Variants in PCDHA4 observed in about 807,000 individuals in gnomAD.
PCDHA4 encodes protocadherin alpha-4.
PCDHA4 carries 49 observed loss-of-function variants against 61.4 expected under a neutral mutation model. The ratio of observed to expected loss-of-function variants is 0.80; its 90% CI spans 0.63 to 1.01. The LOEUF is 1.01. Ranked by LOEUF, PCDHA4 falls within the 50% of genes least tolerant of loss-of-function variation. The probability of loss-of-function intolerance (pLI) is 0.00; values close to 1 mark genes in which losing one functional copy is unlikely to be tolerated. For synonymous variants in PCDHA4, 590 were observed against 550.3 expected (o/e 1.07, Z -1.01); for missense variants, 1,254 against 1,235.8 (o/e 1.01, Z -0.22).
chr5:141,001,164 A>T (rs2097995699), intron 3 of PCDHA4, among the ~76,000 whole-genome samples: 1 of 152,102 alleles, frequency 6.6e-6, no homozygotes, highest in East Asian at 1.9e-4. Context: ...AATAAGTAAA[A>T]TTTAACGAGT....
At chr5:140,822,804 T>C (rs558794478) in intron 1 of PCDHA4, 2 of 1,614,204 alleles carry the variant, frequency 1.2e-6, no homozygotes, top group Non-Finnish European at 1.7e-6. Flanking sequence ...TGGATGTGAA[T>C]GATAATACCC....
At chr5:140,843,511 C>A (rs2150361432) in intron 1 of PCDHA4, 3 of 1,595,670 alleles carry the variant, frequency 1.9e-6, no homozygotes, top group East Asian at 2.2e-5. Context: ...CCACTGAGGG[C>A]GGGTGCCGGG....
At chr5:140,962,667 C>T (rs576054969) in intron 1 of PCDHA4, among the ~76,000 whole-genome samples, 1 of 152,272 alleles carries the variant, frequency 6.6e-6, no homozygotes, top group East Asian at 1.9e-4. Flanking sequence ...TTCATCTTCC[C>T]ATCCACTGGA....
At chr5:140,947,896 G>A (rs1355775996) in intron 1 of PCDHA4, among the ~76,000 whole-genome samples, 5 of 151,478 alleles carry the variant, frequency 3.3e-5, no homozygotes, top group Non-Finnish European at 7.4e-5. Context: ...AACAGAAGTG[G>A]TGAGAGCAGA....
intron 1 of PCDHA4, chr5:140,850,132 G>T (rs2150469208): frequency 6.3e-7 from 1 of 1,595,756 alleles, no homozygotes; most frequent in Non-Finnish European, 8.6e-7. Flanking sequence ...CCGCCTCTGG[G>T]CAGCAACGTG....
rs146837800 is a variant in PCDHA4 at position 140,833,801 on chromosome 5, A to T, written c.2385+24229A>T. On this transcript the variant is annotated intron_variant, in intron 1 of 3. Coordinates refer to ENST00000530339, the MANE Select transcript of PCDHA4 (RefSeq NM_018907.4). ...AAGTTTCTCTTTCATCAATCAGTAGATTCTTGAGATCCTGGGTCCCTAAAA... is the reference window on the plus strand; with the variant it reads ...AAGTTTCTCTTTCATCAATCAGTAGTTTCTTGAGATCCTGGGTCCCTAAAA... Among the ~76,000 whole-genome samples, 141 of 152,240 alleles carry T rather than the reference A, an allele frequency of 9.3e-4. 1 individual carries two copies. The highest frequency in any genetic ancestry group is 3.3e-3 in the African/African-American group (136 of 41,550).
chr5:140,884,396 C>CT, intron 1 of PCDHA4: 1 of 1,614,012 alleles, frequency 6.2e-7, no homozygotes, highest in South Asian at 1.1e-5. Flanking sequence ...GGTGTCCAGC[C>CT]TGTTGGTGCT....
intron 3 of PCDHA4, among the ~76,000 whole-genome samples, chr5:141,005,561 G>T (rs1554260149): frequency 6.6e-6 from 1 of 151,354 alleles, no homozygotes. Flanking sequence ...AATTAGCCGG[G>T]CATGGTGGCG....
intron 1 of PCDHA4, among the ~76,000 whole-genome samples, chr5:140,891,762 G>C (rs554912268): frequency 1.5e-3 from 234 of 152,268 alleles, no homozygotes; most frequent in African/African-American, 4.9e-3. Context: ...GTTGGGAGGT[G>C]GGGAATTTCA....
intron 1 of PCDHA4, chr5:140,969,483 G>C (rs531496681): frequency 1.4e-6 from 2 of 1,462,372 alleles, no homozygotes; most frequent in African/African-American, 1.4e-5. Context: ...ATCATAATCT[G>C]CTATTTCCTC....
At chr5:140,833,265 A>T (rs1554133806) in intron 1 of PCDHA4, among the ~76,000 whole-genome samples, 1 of 152,214 alleles carries the variant, frequency 6.6e-6, no homozygotes, top group East Asian at 1.9e-4. Context: ...AGCAGCAATT[A>T]TAAAAACTTA....
chr5:140,838,474 T>C (rs1775747534), intron 1 of PCDHA4, among the ~76,000 whole-genome samples: 1 of 151,866 alleles, frequency 6.6e-6, no homozygotes, highest in Admixed American at 6.6e-5. Flanking sequence ...CGCTTATTCC[T>C]TGTTTTTGAT....
chr5:140,834,797 G>T lies in PCDHA4; in HGVS notation c.2385+25225G>T, dbSNP rs782512269. The T allele has an allele frequency of 3.1e-6, 5 of 1,612,908 alleles. No individual in the cohort carries two copies. The South Asian group carries it at 5.5e-5, about 18-fold the overall frequency. ...CTCCGGTGTTCCCAGCGACACAAAG[G>T]AATCTGTTCATCGCGGAATCCAGGC... On this transcript the variant is annotated intron_variant, in intron 1 of 3. Transcript: ENST00000530339.
chr5:140,869,183 G>A, intron 1 of PCDHA4: 1 of 1,613,958 alleles, frequency 6.2e-7, no homozygotes, highest in Non-Finnish European at 8.5e-7. Flanking sequence ...TGGGAGGTGG[G>A]GAGCGGCCAG....
At chr5:140,840,995 T>C (rs1776967728) in intron 1 of PCDHA4, among the ~76,000 whole-genome samples, 1 of 152,016 alleles carries the variant, frequency 6.6e-6, no homozygotes. Context: ...CTGAAACTAA[T>C]GTAAGGAGCC....
At position 140,870,714 on chromosome 5, in the gene PCDHA4, C is replaced by A. The variant is rs2052324296; in HGVS notation, c.2385+61142C>A. On this transcript the variant is annotated intron_variant, in intron 1 of 3. Transcript: ENST00000530339. ...TGCTACAGTTCCAGGTGAGCGCGCG[C>A]GATGCGGGCGTGCCGCCTCTGAGCA... 6 of 1,612,992 alleles carry A rather than the reference C, an allele frequency of 3.7e-6. No individual in the cohort carries two copies. The African/African-American group carries it at 4.0e-5, about 11-fold the overall frequency.
At chr5:140,964,212 A>G (rs1195642946) in intron 1 of PCDHA4, among the ~76,000 whole-genome samples, 11 of 152,244 alleles carry the variant, frequency 7.2e-5, no homozygotes, top group African/African-American at 2.7e-4. Flanking sequence ...TCTTTAGTAC[A>G]ATGTCTTTCA....
At chr5:140,849,920 C>A in intron 1 of PCDHA4, 1 of 1,598,384 alleles carries the variant, frequency 6.3e-7, no homozygotes, top group Non-Finnish European at 8.6e-7. Context: ...GCCACATCTT[C>A]ACGGTGTCTG....
At chr5:140,852,255 T>A (rs1554145733) in intron 1 of PCDHA4, 1 of 511,528 alleles carries the variant, frequency 2.0e-6, no homozygotes, top group Middle Eastern at 9.9e-4. Context: ...ACTTTTGGAA[T>A]ATGCTACAAT....
Sources: gnomAD v4.1 joint callset for allele counts (sites outside exome capture counted in the v4.1 genomes callset) on GRCh38, gnomAD v4.1.1 for gene constraint, MANE v1.5 for transcripts, NCBI Gene and HGNC (gene_info 2026-07-23, HGNC 2026-07-21) for gene names.